Variants in APCDD1L observed in about 807,000 individuals in gnomAD.
APCDD1L encodes protein APCDD1-like.
APCDD1L carries 21 observed loss-of-function variants against 24.2 expected under a neutral mutation model. The observed-to-expected ratio is 0.87, with a 90% CI of 0.61 to 1.25. APCDD1L has a LOEUF of 1.25. APCDD1L is among the 50% of genes most tolerant of loss of function. The pLI, the probability that APCDD1L is intolerant of heterozygous loss-of-function variation, is 0.00. For missense variants in APCDD1L, 704 were observed against 711.7 expected (o/e 0.99, Z 0.12); for synonymous variants, 321 against 323.6 (o/e 0.99, Z 0.09).
chr20:58,494,150 G>GGAAGAGGAGGGGCTGGT lies in APCDD1L; in HGVS notation c.49+20492_49+20508dup, dbSNP rs1213588331. Among the ~76,000 whole-genome samples the GGAAGAGGAGGGGCTGGT allele has an allele frequency of 6.6e-6, 1 of 152,122 alleles. No homozygotes were observed. The highest frequency in any genetic ancestry group is 2.4e-5 in the African/African-American group (1 of 41,418). The stretch of plus-strand genomic sequence containing the variant: ...ATGTTGAGTAGGCTGAGGAGGAGGA[G>GGAAGAGGAGGGGCTGGT]GAAGAGGAGGGGCTGGTCTTGCTGT... On this transcript the variant is annotated intron_variant, in intron 1 of 3. Transcript: ENST00000371149. The surrounding 1 kb of genome is among the most constrained non-coding windows in gnomAD (Gnocchi z 4.8).
At chr20:58,476,481 G>A (rs1055858825) in intron 1 of APCDD1L, among the ~76,000 whole-genome samples, 19 of 152,206 alleles carry the variant, frequency 1.2e-4, no homozygotes, top group South Asian at 6.2e-4. Flanking sequence ...GAGCCACTGC[G>A]CCCTGCCCCA....
At position 58,494,420 on chromosome 20, in the gene APCDD1L, A is replaced by C. The variant is rs559519722; in HGVS notation, c.49+20239T>G. 2.2e-4 allele frequency among the ~76,000 whole-genome samples: 33 copies of C among 151,450 alleles called. No individual in the cohort carries two copies. In the East Asian group the frequency reaches 5.6e-3, roughly 26 times the overall value. On this transcript the variant is annotated intron_variant, in intron 1 of 3. Coordinates refer to ENST00000371149, the MANE Select transcript of APCDD1L (RefSeq NM_153360.3). This position sits in a 1 kb window ranked among gnomAD's most constrained non-coding sequence, Gnocchi z 4.8. ...TGGGATCGGCTCACTGCAGCCTCAAACTCCCCGGCTCAAGCCATCCTCTGG... is the reference window on the plus strand; with the variant it reads ...TGGGATCGGCTCACTGCAGCCTCAACCTCCCCGGCTCAAGCCATCCTCTGG...
At position 58,494,270 on chromosome 20, in the gene APCDD1L, C is replaced by CTT. The variant is rs1331135612; in HGVS notation, c.49+20387_49+20388dup. ...TAAGGGTCAACTGCATTTCTTTTTT[C>CTT]TTTTCTTTTCTTTTCTTACTTTTCT... On this transcript the variant is annotated intron_variant, in intron 1 of 3. Transcript: ENST00000371149. The surrounding 1 kb of genome is among the most constrained non-coding windows in gnomAD (Gnocchi z 4.8). Among the ~76,000 whole-genome samples the CTT allele has an allele frequency of 1.2e-4, 16 of 132,938 alleles. 1 individual carries two copies. The East Asian group carries it at 5.1e-3, about 42-fold the overall frequency. 87.2% of individuals were successfully genotyped at this position (132,938 alleles called of 152,430 possible).
Position 58,460,591 on chromosome 20 carries a change from T to G in APCDD1L, c.*199A>C. On this transcript the variant is annotated 3_prime_UTR_variant, in exon 4 of 4. Transcript: ENST00000371149. The surrounding 1 kb of genome is among the most constrained non-coding windows in gnomAD (Gnocchi z 4.2). The stretch of plus-strand genomic sequence containing the variant: ...AGTGCTTGACTGGGGACCCGGGCTG[T>G]GGGATGTGGTATAGGCTTTGCAGGG... 1.9e-6 allele frequency: 1 copy of G among 529,972 alleles called. No homozygotes were observed. Among genetic ancestry groups the G allele is most frequent in the Non-Finnish European group, 3.0e-6 (1 of 336,964 alleles). 32.8% of individuals were successfully genotyped at this position (529,972 alleles called of 1,614,324 possible). A position where few individuals can be genotyped will look rare whatever the true frequency, so the allele number is the denominator to read the frequency against.
intron 3 of APCDD1L, among the ~76,000 whole-genome samples, chr20:58,463,034 C>T (rs1474043820): frequency 6.8e-6 from 1 of 147,686 alleles, no homozygotes; most frequent in Non-Finnish European, 1.5e-5. Flanking sequence ...ACTAGCTACT[C>T]AGGAGACTGA....
rs566407820 is a variant in APCDD1L, at chr20:58,467,720, C to A, written c.189-62G>T. The A allele has an allele frequency of 1.6e-4, 215 of 1,377,754 alleles. No individual in the cohort carries two copies. Among genetic ancestry groups the A allele is most frequent in the Non-Finnish European group, 2.0e-4 (214 of 1,060,828 alleles). 85.3% of individuals were successfully genotyped at this position (1,377,754 alleles called of 1,614,324 possible). A position where few individuals can be genotyped will look rare whatever the true frequency, so the allele number is the denominator to read the frequency against. ...GAACACCGCGCCGCGAGCCCCTCTC[C>A]CCTCTGGGCTGGGCTCCTTTCTCCC... On this transcript the variant is annotated intron_variant, in intron 2 of 3. Coordinates refer to ENST00000371149, the MANE Select transcript of APCDD1L (RefSeq NM_153360.3). This position sits in a 1 kb window ranked among gnomAD's most constrained non-coding sequence, Gnocchi z 5.9.
At chr20:58,513,021 TCA>T (rs1491475307) in intron 1 of APCDD1L, among the ~76,000 whole-genome samples, 7 of 152,136 alleles carry the variant, frequency 4.6e-5, no homozygotes, top group African/African-American at 1.7e-4. Context: ...GGCTCTACAC[TCA>T]CAGTGATTTC....
At chr20:58,506,809 T>C (rs986077990) in intron 1 of APCDD1L, among the ~76,000 whole-genome samples, 1 of 152,198 alleles carries the variant, frequency 6.6e-6, no homozygotes, top group Non-Finnish European at 1.5e-5. Context: ...CCTCAGAGTG[T>C]GTGTGTCTCC....
intron 1 of APCDD1L, among the ~76,000 whole-genome samples, chr20:58,471,421 C>T (rs746263626): frequency 4.6e-5 from 7 of 152,254 alleles, no homozygotes; most frequent in Non-Finnish European, 8.8e-5. Context: ...AATGCAGGCC[C>T]TGCCCTTCTT....
intron 2 of APCDD1L, among the ~76,000 whole-genome samples, chr20:58,468,519 C>T (rs1989758254): frequency 6.6e-6 from 1 of 152,120 alleles, no homozygotes. Flanking sequence ...AAATAGCAGG[C>T]ACCCTCCTCA....
rs369233882 is a variant in APCDD1L, at chr20:58,514,969, C to A, written c.-262G>T. 1 of 347,048 alleles carries A rather than the reference C, an allele frequency of 2.9e-6. No homozygotes were observed. Among genetic ancestry groups the A allele is most frequent in the East Asian group, 4.3e-5 (1 of 23,358 alleles). The allele number at this position is 347,048 out of a possible 1,614,324, so 21.5% of individuals were successfully genotyped here. A position where few individuals can be genotyped will look rare whatever the true frequency, so the allele number is the denominator to read the frequency against. ...GCCCCCGGCGAGGCGCGCACACCCG[C>A]GCAGCGCGCACAGCCCCCTGGTGCA... On this transcript the variant is annotated 5_prime_UTR_variant, in exon 1 of 4. Transcript: ENST00000371149.
intron 1 of APCDD1L, among the ~76,000 whole-genome samples, chr20:58,485,030 T>C (rs1990096366): frequency 6.6e-6 from 1 of 151,980 alleles, no homozygotes; most frequent in Admixed American, 6.6e-5. Context: ...TTGTCAGAGA[T>C]AGTTTTCCAT....
intron 1 of APCDD1L, among the ~76,000 whole-genome samples, chr20:58,493,887 G>A (rs756629276): frequency 1.1e-4 from 17 of 152,214 alleles, no homozygotes; most frequent in South Asian, 2.1e-4. Context: ...AAAATCTACC[G>A]GTAACTTTCA....
At chr20:58,510,425 C>T (rs908631759) in intron 1 of APCDD1L, among the ~76,000 whole-genome samples, 5 of 152,170 alleles carry the variant, frequency 3.3e-5, no homozygotes, top group African/African-American at 7.2e-5. Context: ...CTCCGCCTCC[C>T]GGGTTCAAGC....
In APCDD1L at chr20:58,467,416, T is replaced by C; in HGVS notation, c.431A>G (p.Asp144Gly). ...GGTCTGGTTGAGGCGCCCGGTGACG[T>C]CGACCAGGGCCCGGCGGCTGTGGAA... is the stretch of plus-strand genomic sequence containing the variant. ...IVFHSRRALVDVTGRLNQTRA... is the reference protein window; with the variant it reads ...IVFHSRRALVGVTGRLNQTRA... Residue 144 changes from aspartate to glycine, a missense_variant, in exon 3 of 4, where the codon GAC (aspartate) becomes GGC (glycine). Physicochemically the swap from Asp to Gly is moderately conservative, Grantham distance 94. Coordinates refer to ENST00000371149, the MANE Select transcript of APCDD1L (RefSeq NM_153360.3). The surrounding 1 kb of genome is among the most constrained non-coding windows in gnomAD (Gnocchi z 5.9). 6.4e-7 allele frequency: 1 copy of C among 1,552,110 alleles called. No homozygotes were observed.
intron 1 of APCDD1L, among the ~76,000 whole-genome samples, chr20:58,492,407 A>C (rs1381199718): frequency 6.6e-6 from 1 of 152,246 alleles, no homozygotes; most frequent in East Asian, 1.9e-4. Context: ...AAAAGAGGAA[A>C]TGAGAGTGGT....
Position 58,459,302 on chromosome 20 carries a change from T to C in APCDD1L, c.*1488A>G, listed in dbSNP as rs1411103498. On this transcript the variant is annotated 3_prime_UTR_variant, in exon 4 of 4. Transcript: ENST00000371149. ...ATGATTTCTTGTACTTTGGTAAATATGCCAGGAACACTTGTAGCTGTCTGA... is the reference window on the plus strand; with the variant it reads ...ATGATTTCTTGTACTTTGGTAAATACGCCAGGAACACTTGTAGCTGTCTGA... The C allele has an allele frequency of 6.6e-6, 1 of 151,698 alleles. No homozygotes were observed. Among genetic ancestry groups the C allele is most frequent in the African/African-American group, 2.4e-5 (1 of 41,280 alleles). 9.4% of individuals were successfully genotyped at this position (151,698 alleles called of 1,614,324 possible).
intron 1 of APCDD1L, among the ~76,000 whole-genome samples, chr20:58,502,243 G>T (rs999985503): frequency 1.3e-5 from 2 of 152,140 alleles, no homozygotes; most frequent in Non-Finnish European, 2.9e-5. Flanking sequence ...TAGGATTACA[G>T]GTGCCCACCA....
At chr20:58,472,970 A>C (rs1989840804) in intron 1 of APCDD1L, among the ~76,000 whole-genome samples, 1 of 152,216 alleles carries the variant, frequency 6.6e-6, no homozygotes. Context: ...TCTTCAGAAG[A>C]CACTGGGTTT....
Sources: allele counts gnomAD v4.1 joint callset (sites outside exome capture counted in the v4.1 genomes callset), GRCh38; gene constraint gnomAD v4.1.1; non-coding constraint Gnocchi (gnomAD v3.1); transcripts MANE v1.5; gene names NCBI Gene and HGNC (gene_info 2026-07-23, HGNC 2026-07-21).